Variants in RAB3GAP2 observed in about 807,000 individuals in gnomAD.
RAB3GAP2 encodes the protein rab3 GTPase-activating protein non-catalytic subunit.
A neutral mutation model predicts 185.3 loss-of-function variants in RAB3GAP2; 87 were observed. The ratio of observed to expected loss-of-function variants is 0.47; its 90% CI spans 0.39 to 0.56. RAB3GAP2 has a LOEUF of 0.56. Ranked by LOEUF, RAB3GAP2 falls within the 20% of genes least tolerant of loss-of-function variation. The pLI is 0.00. For synonymous variants in RAB3GAP2, 554 were observed against 576.1 expected (o/e 0.96, Z 0.55); for missense variants, 1,492 against 1,638.2 (o/e 0.91, Z 1.54).
intron 1 of RAB3GAP2, among the ~76,000 whole-genome samples, chr1:220,259,413 T>A (rs967035135): frequency 2.0e-5 from 3 of 151,962 alleles, no homozygotes; most frequent in Non-Finnish European, 4.4e-5. Context: ...AACAGAGAAC[T>A]CAGAAATAAG....
rs1657795383 is a variant in RAB3GAP2 at position 220,153,224 on chromosome 1, C to T, written c.3828G>A (p.Gly1276=). The T allele has an allele frequency of 6.2e-7, 1 of 1,614,012 alleles. No homozygotes were observed. The highest frequency in any genetic ancestry group is 8.5e-7 in the Non-Finnish European group (1 of 1,179,934). ...GGTCAACTCCATAGTTGTATAGTTC[C>T]CCCACATAATGCCTTCTAACAACAT... is the stretch of plus-strand genomic sequence containing the variant. ...SEDVVRRHYV[G]ELYNYGVDHL... Residue 1276 remains glycine, a synonymous_variant, in exon 33 of 35, where the codon GGG becomes GGA. Coordinates refer to ENST00000358951, the MANE Select transcript of RAB3GAP2 (RefSeq NM_012414.4).
At chr1:220,157,175 C>G (rs1571873810) in intron 31 of RAB3GAP2, 95 bp downstream of exon 31, 2 of 1,119,096 alleles carry the variant, frequency 1.8e-6, no homozygotes, top group South Asian at 1.3e-5. Context: ...ATACCAGTCA[C>G]AAAAGTACTG....
At chr1:220,194,387 C>T (rs1658684006) in intron 12 of RAB3GAP2, among the ~76,000 whole-genome samples, 1 of 151,894 alleles carries the variant, frequency 6.6e-6, no homozygotes, top group Admixed American at 6.6e-5. Context: ...TACAGGACTC[C>T]TGCTTTTACT....
At chr1:220,219,964 G>C (rs1275130352) in intron 2 of RAB3GAP2, among the ~76,000 whole-genome samples, 1 of 152,186 alleles carries the variant, frequency 6.6e-6, no homozygotes, top group Non-Finnish European at 1.5e-5. Context: ...AAGGGCATTT[G>C]CCTACTAATT....
rs1660244261 is a variant in RAB3GAP2 at position 220,267,239 on chromosome 1, T to C, written c.115+4984A>G. 1.8e-5 allele frequency: 17 copies of C among 924,146 alleles called. No individual in the cohort carries two copies. In the South Asian group the frequency reaches 2.2e-4, roughly 12 times the overall value. The allele number at this position is 924,146 out of a possible 1,614,324, so 57.2% of individuals were successfully genotyped here. On this transcript the variant is annotated intron_variant, in intron 1 of 34. Transcript: ENST00000358951. ...GTAGCAGTTCTCTGCTCATCAAACT[T>C]TGAAAGTTTCTGAAGTTCTGTATTG...
At position 220,168,638 on chromosome 1, in the gene RAB3GAP2, C is replaced by T. The variant is rs115147315; in HGVS notation, c.2807-963G>A. 8.1e-3 allele frequency among the ~76,000 whole-genome samples: 1,225 copies of T among 151,942 alleles called. 12 individuals carry two copies. The highest frequency in any genetic ancestry group is 0.01 in the Non-Finnish European group (708 of 67,924). The stretch of plus-strand genomic sequence containing the variant: ...TCGCAAACTCTTGACATCAGGTGAT[C>T]CACCTGCCTCAGCGTCCCAAAATGC... On this transcript the variant is annotated intron_variant, in intron 24 of 34. Coordinates refer to ENST00000358951, the MANE Select transcript of RAB3GAP2 (RefSeq NM_012414.4).
chr1:220,242,347 C>T (rs1402877941), intron 1 of RAB3GAP2, among the ~76,000 whole-genome samples: 1 of 152,062 alleles, frequency 6.6e-6, no homozygotes, highest in Non-Finnish European at 1.5e-5. Flanking sequence ...CATCTGTGTA[C>T]CAATGCTGGG....
chr1:220,246,775 TG>T (rs1659825992), intron 1 of RAB3GAP2, among the ~76,000 whole-genome samples: 1 of 89,058 alleles, frequency 1.1e-5, no homozygotes, highest in Non-Finnish European at 2.1e-5. Context: ...TGTCGTGGGG[TG>T]GGGGGAGGGG....
At chr1:220,242,419 T>C (rs962188954) in intron 1 of RAB3GAP2, among the ~76,000 whole-genome samples, 1 of 151,230 alleles carries the variant, frequency 6.6e-6, no homozygotes, top group East Asian at 2.0e-4. Flanking sequence ...GTGCACAATA[T>C]AGAGACATCA....
intron 1 of RAB3GAP2, among the ~76,000 whole-genome samples, chr1:220,238,241 T>C (rs1427019547): frequency 6.6e-6 from 1 of 152,140 alleles, no homozygotes; most frequent in Non-Finnish European, 1.5e-5. Context: ...GATGAAGCCT[T>C]GCCATTTTGC....
intron 1 of RAB3GAP2, chr1:220,268,057 T>G: frequency 2.4e-6 from 1 of 412,462 alleles, no homozygotes; most frequent in Non-Finnish European, 4.3e-6. Context: ...TGAGCTAGGT[T>G]AAGAAATTAC....
chr1:220,244,898 C>G (rs565150920), intron 1 of RAB3GAP2, among the ~76,000 whole-genome samples: 1 of 152,284 alleles, frequency 6.6e-6, no homozygotes, highest in South Asian at 2.1e-4. Context: ...AAAAACTCTT[C>G]TGGATATTGG....
At chr1:220,268,610 A>T in intron 1 of RAB3GAP2, among the ~76,000 whole-genome samples, 1 of 152,226 alleles carries the variant, frequency 6.6e-6, no homozygotes. Context: ...GTCTGAGATC[A>T]TCTGTACAGG....
chr1:220,151,537 C>G (rs1160029828), intron 34 of RAB3GAP2, 69 bp downstream of exon 34: 13 of 1,585,854 alleles, frequency 8.2e-6, no homozygotes, highest in Non-Finnish European at 1.1e-5. Context: ...TTCTTCATAA[C>G]TGTTATTAAC....
rs369410531 is a variant in RAB3GAP2, at chr1:220,157,436, G to A, written c.3389C>T (p.Ala1130Val). ...GATTGGTCCTTCCACGGAGAGCCAC[G>A]CATCCTCAGTATCCAGCACAGGCAC... is the stretch of plus-strand genomic sequence containing the variant. ...IQVPVLDTED[A>V]WLSVEGPISI... Residue 1130 changes from alanine to valine, a missense_variant, in exon 31 of 35, where the codon GCG (alanine) becomes GTG (valine). Transcript: ENST00000358951. The A allele has an allele frequency of 9.9e-6, 16 of 1,613,790 alleles. No individual in the cohort carries two copies. The African/African-American group carries it at 1.2e-4, about 12-fold the overall frequency.
At chr1:220,213,786 T>C (rs1278846425) in intron 3 of RAB3GAP2, 70 bp downstream of exon 3, 1 of 1,505,218 alleles carries the variant, frequency 6.6e-7, no homozygotes, top group Non-Finnish European at 9.2e-7. Flanking sequence ...TATATTCTTT[T>C]CACCTAATCC....
intron 21 of RAB3GAP2, among the ~76,000 whole-genome samples, chr1:220,181,851 A>G (rs1359719710): frequency 1.3e-5 from 2 of 151,958 alleles, no homozygotes; most frequent in African/African-American, 4.8e-5. Flanking sequence ...GGAGTTTGAG[A>G]CAAGCTGGGC....
At chr1:220,232,079 G>C (rs2102891322) in intron 2 of RAB3GAP2, among the ~76,000 whole-genome samples, 1 of 152,264 alleles carries the variant, frequency 6.6e-6, no homozygotes, top group African/African-American at 2.4e-5. Context: ...CTTGTTCCTT[G>C]CTATACTCCC....
chr1:220,156,076 A>T (rs1657850889), intron 31 of RAB3GAP2, among the ~76,000 whole-genome samples: 1 of 151,652 alleles, frequency 6.6e-6, no homozygotes, highest in Non-Finnish European at 1.5e-5. Context: ...TCAGCCTCCC[A>T]AGTAGCTGGG....
Sources: allele counts gnomAD v4.1 joint callset (sites outside exome capture counted in the v4.1 genomes callset), GRCh38; gene constraint gnomAD v4.1.1; transcripts MANE v1.5; gene names NCBI Gene and HGNC (gene_info 2026-07-23, HGNC 2026-07-21).